Variants in NTRK3 observed in about 807,000 individuals in gnomAD.
NTRK3 encodes the protein neurotrophic receptor tyrosine kinase 3.
NTRK3 carries 24 observed loss-of-function variants against 91.7 expected under a neutral mutation model. That is an observed-to-expected ratio of 0.26 (90% CI 0.19 to 0.37). The LOEUF is 0.37. Ranked by LOEUF, NTRK3 falls within the 10% of genes least tolerant of loss-of-function variation. The probability of loss-of-function intolerance (pLI) is 1.00; values close to 1 mark genes in which losing one functional copy is unlikely to be tolerated. For missense variants in NTRK3, 880 were observed against 1,068.9 expected, an observed-to-expected ratio of 0.82 and a Z score of 2.46; for synonymous variants, 483 against 404.0, an observed-to-expected ratio of 1.20 and a Z score of -2.34.
At position 88,106,788 on chromosome 15, in the gene NTRK3, C is replaced by T. The variant is rs60209956; in HGVS notation, c.1396+19483G>A. Among the ~76,000 whole-genome samples the T allele has an allele frequency of 8.9e-3, 1,357 of 152,072 alleles. 27 individuals carry two copies. Among genetic ancestry groups the T allele is most frequent in the African/African-American group, 0.031 (1,297 of 41,506 alleles). On this transcript the variant is annotated intron_variant, in intron 13 of 18. Transcript: ENST00000394480. ...TCTACTAAAAATACAAAACAATTAG[C>T]TGGGCATGGTGGTGGGTGCCTGTAA...
chr15:87,875,372 G>A (rs895482418), exon 19 of NTRK3: 57 of 231,234 alleles, frequency 2.5e-4, no homozygotes, highest in African/African-American at 8.2e-4. Context: ...CCCAGAGGTC[G>A]GCCCCACTGT....
chr15:87,980,471 ATGTG>A lies in NTRK3; in HGVS notation c.1586-39722_1586-39719del, dbSNP rs561517229. Among the ~76,000 whole-genome samples the A allele has an allele frequency of 3.2e-3, 483 of 152,030 alleles. 1 individual carries two copies. Among genetic ancestry groups the A allele is most frequent in the African/African-American group, 0.01 (426 of 41,450 alleles). On this transcript the variant is annotated intron_variant, in intron 14 of 18. Transcript: ENST00000394480. The stretch of plus-strand genomic sequence containing the variant: ...TGTACACCTGTGTGTTTTCATGTGG[ATGTG>A]TGTATGTGTTTCCATGTGTGTTTGC...
At chr15:88,012,254 AG>A (rs1243320022) in intron 14 of NTRK3, among the ~76,000 whole-genome samples, 1 of 152,240 alleles carries the variant, frequency 6.6e-6, no homozygotes, top group Non-Finnish European at 1.5e-5. Flanking sequence ...CCATTTTGAC[AG>A]GGTGCTAGGA....
At chr15:87,999,460 C>T (rs147874951) in intron 14 of NTRK3, among the ~76,000 whole-genome samples, 24 of 152,316 alleles carry the variant, frequency 1.6e-4, no homozygotes, top group African/African-American at 4.8e-4. Context: ...ATCTTTGTTG[C>T]ATTACATTTG....
chr15:87,888,187 A>G (rs1288622435), intron 17 of NTRK3, among the ~76,000 whole-genome samples: 1 of 152,128 alleles, frequency 6.6e-6, no homozygotes, highest in Non-Finnish European at 1.5e-5. Flanking sequence ...AAAATTTGGG[A>G]GGCTGAAAGT....
At position 87,942,629 on chromosome 15, in the gene NTRK3, T is replaced by C. The variant is rs557136675; in HGVS notation, c.1586-1876A>G. 3.3e-5 allele frequency among the ~76,000 whole-genome samples: 5 copies of C among 152,162 alleles called. No homozygotes were observed. In the South Asian group the frequency reaches 8.3e-4, roughly 25 times the overall value. ...GCCCACATCTCTGAACACGCCGGGA[T>C]TGGGAAGGCCTGGGAAGCCACAGGT... is the stretch of plus-strand genomic sequence containing the variant. On this transcript the variant is annotated intron_variant, in intron 14 of 18. Transcript: ENST00000394480.
chr15:88,230,404 C>T (rs1448903672), intron 3 of NTRK3, among the ~76,000 whole-genome samples: 1 of 152,146 alleles, frequency 6.6e-6, no homozygotes, highest in Non-Finnish European at 1.5e-5. Context: ...ATTCAGAGAT[C>T]ATGATCGCGG....
chr15:88,199,370 G>C (rs1482168120), intron 3 of NTRK3, among the ~76,000 whole-genome samples: 1 of 152,132 alleles, frequency 6.6e-6, no homozygotes, highest in Non-Finnish European at 1.5e-5. Flanking sequence ...TGATCCTTGG[G>C]GCAGGGACTA....
At chr15:88,153,995 T>C (rs950261793) in intron 5 of NTRK3, among the ~76,000 whole-genome samples, 2 of 152,026 alleles carry the variant, frequency 1.3e-5, no homozygotes, top group African/African-American at 4.8e-5. Flanking sequence ...ACCAGGATTC[T>C]TTTGATTTTG....
At chr15:88,097,006 T>A (rs1317037549) in intron 13 of NTRK3, among the ~76,000 whole-genome samples, 1 of 152,166 alleles carries the variant, frequency 6.6e-6, no homozygotes, top group Non-Finnish European at 1.5e-5. Flanking sequence ...GAAGAGAGTC[T>A]GGTAGTGCTT....
chr15:87,929,966 C>T (rs939707373), intron 16 of NTRK3, among the ~76,000 whole-genome samples: 9 of 152,144 alleles, frequency 5.9e-5, no homozygotes, highest in East Asian at 1.9e-4. Context: ...AAAAAGTGAG[C>T]TTCTAAAAGG....
chr15:87,992,148 C>A (rs2075336894), intron 14 of NTRK3, among the ~76,000 whole-genome samples: 1 of 152,126 alleles, frequency 6.6e-6, no homozygotes, highest in African/African-American at 2.4e-5. Context: ...ACTCAGAAGC[C>A]ACCAGTGACT....
intron 14 of NTRK3, among the ~76,000 whole-genome samples, chr15:87,972,383 C>T (rs959557068): frequency 6.6e-6 from 1 of 152,166 alleles, no homozygotes; most frequent in African/African-American, 2.4e-5. Flanking sequence ...AGACAAAAGT[C>T]AGGGACTGCC....
intron 17 of NTRK3, chr15:87,908,656 G>C (rs906434506): frequency 2.5e-6 from 1 of 398,448 alleles, no homozygotes; most frequent in Non-Finnish European, 4.4e-6. Context: ...GAAAGGAGGA[G>C]CATGAGGAAA....
At chr15:88,017,282 C>T (rs2077298399) in intron 14 of NTRK3, among the ~76,000 whole-genome samples, 1 of 152,164 alleles carries the variant, frequency 6.6e-6, no homozygotes. Context: ...ATGTTAGAAG[C>T]TCAGCCCAAG....
Position 87,980,587 on chromosome 15 carries a change from T to C in NTRK3, c.1586-39834A>G, listed in dbSNP as rs145724760. On this transcript the variant is annotated intron_variant, in intron 14 of 18. Coordinates refer to ENST00000394480, the Ensembl canonical transcript of NTRK3. ...TGAATATGTGCACAGAGTAAGCCTA[T>C]CTTTTTATGGAAGCTATGCTCAGGA... Among the ~76,000 whole-genome samples the C allele has an allele frequency of 8.1e-4, 124 of 152,288 alleles. 1 individual carries two copies. The highest frequency in any genetic ancestry group is 2.8e-3 in the African/African-American group (115 of 41,554).
intron 5 of NTRK3, among the ~76,000 whole-genome samples, chr15:88,171,015 TG>T (rs1229207472): frequency 6.6e-6 from 1 of 152,146 alleles, no homozygotes; most frequent in African/African-American, 2.4e-5. Context: ...GGAGTTATCC[TG>T]GGTGGAGACT....
rs532506517 is a variant in NTRK3, at chr15:88,019,943, A to T, written c.1585+12914T>A. ...ACATGAGAATATGAACAAGACTCAG[A>T]CATATGTACATTTGTGTCTGAAGAT... is the stretch of plus-strand genomic sequence containing the variant. On this transcript the variant is annotated intron_variant, in intron 14 of 18. Transcript: ENST00000394480. Among the ~76,000 whole-genome samples, 42 of 152,376 alleles carry T rather than the reference A, an allele frequency of 2.8e-4. No homozygotes were observed. The East Asian group carries it at 5.0e-3, about 18-fold the overall frequency.
At chr15:88,156,735 T>A (rs1489061985) in intron 5 of NTRK3, among the ~76,000 whole-genome samples, 1 of 152,234 alleles carries the variant, frequency 6.6e-6, no homozygotes, top group Non-Finnish European at 1.5e-5. Flanking sequence ...CGTCTCAGAC[T>A]GCTGGCCTGG....
Sources: allele counts gnomAD v4.1 joint callset (sites outside exome capture counted in the v4.1 genomes callset), GRCh38; gene constraint gnomAD v4.1.1; transcripts MANE v1.5; gene names NCBI Gene and HGNC (gene_info 2026-07-23, HGNC 2026-07-21).